The following LCLAT1 variants were observed in gnomAD, a reference collection of about 807,000 sequenced individuals.
LCLAT1 encodes the protein 1-AGP acyltransferase 8.
LCLAT1 carries 11 observed loss-of-function variants against 30.7 expected under a neutral mutation model. That is an observed-to-expected ratio of 0.36 (90% CI 0.23 to 0.59). LCLAT1 has a LOEUF of 0.59. Ranked by LOEUF, LCLAT1 falls within the 20% of genes least tolerant of loss-of-function variation. The pLI is 0.77. For missense variants in LCLAT1, 402 were observed against 458.6 expected (o/e 0.88, Z 1.13); for synonymous variants, 155 against 151.3 (o/e 1.02, Z -0.18).
intron 5 of LCLAT1, among the ~76,000 whole-genome samples, chr2:30,570,263 G>T (rs1665724668): frequency 6.6e-6 from 1 of 152,046 alleles, no homozygotes; most frequent in Non-Finnish European, 1.5e-5. Context: ...TCCTGTATCA[G>T]TAAAAAGAAA....
intron 2 of LCLAT1, among the ~76,000 whole-genome samples, chr2:30,528,222 T>C (rs1171659557): frequency 6.6e-6 from 1 of 152,088 alleles, no homozygotes; most frequent in East Asian, 1.9e-4. Context: ...GGGAAATGTC[T>C]TTTTTTTCTG....
At chr2:30,498,265 C>T (rs1423641314) in intron 1 of LCLAT1, among the ~76,000 whole-genome samples, 2 of 152,118 alleles carry the variant, frequency 1.3e-5, no homozygotes, top group African/African-American at 4.8e-5. Flanking sequence ...GAGAAAGCAC[C>T]ACTTAGAAGT....
chr2:30,536,522 C>A (rs1309489309), intron 3 of LCLAT1, among the ~76,000 whole-genome samples: 2 of 152,184 alleles, frequency 1.3e-5, no homozygotes, highest in Non-Finnish European at 2.9e-5. Flanking sequence ...GCCGAGGATA[C>A]TGTAACTGGC....
At chr2:30,500,949 A>G (rs11888518) in intron 1 of LCLAT1, among the ~76,000 whole-genome samples, 1 of 152,060 alleles carries the variant, frequency 6.6e-6, no homozygotes, top group African/African-American at 2.4e-5. Context: ...TTACCAAATC[A>G]CCGTATCTGG....
chr2:30,529,745 G>A (rs1395003633), intron 2 of LCLAT1, among the ~76,000 whole-genome samples: 2 of 152,194 alleles, frequency 1.3e-5, no homozygotes, highest in African/African-American at 4.8e-5. Flanking sequence ...AACATAGATT[G>A]CTGAATGTGA....
chr2:30,585,192 C>T (rs1268179969), intron 5 of LCLAT1, among the ~76,000 whole-genome samples: 1 of 152,104 alleles, frequency 6.6e-6, no homozygotes. Flanking sequence ...TTGTTTCCCT[C>T]TCAAGCGCTG....
At chr2:30,476,644 T>C in intron 1 of LCLAT1, 1 of 400,728 alleles carries the variant, frequency 2.5e-6, no homozygotes, top group Non-Finnish European at 4.9e-6. Context: ...TGGTGAGTTG[T>C]ATAATTATTT....
intron 5 of LCLAT1, among the ~76,000 whole-genome samples, chr2:30,581,010 C>T (rs1321706465): frequency 6.6e-6 from 1 of 152,080 alleles, no homozygotes; most frequent in Non-Finnish European, 1.5e-5. Context: ...CCTGTGCTCT[C>T]TGTCAGATCA....
intron 1 of LCLAT1, among the ~76,000 whole-genome samples, chr2:30,521,635 T>A (rs1336616271): frequency 2.0e-5 from 3 of 149,792 alleles, no homozygotes; most frequent in Non-Finnish European, 3.0e-5. Flanking sequence ...CCCTCCCTAG[T>A]AACTGGGATT....
Position 30,613,019 on chromosome 2 carries a change from C to T in LCLAT1, c.629-27098C>T, listed in dbSNP as rs11884651. ...GAAGACTGAAGTAGGGTAGTCAGGG[C>T]TCCCCTGAAAAGAGGAATTTGGGGG... is the stretch of plus-strand genomic sequence containing the variant. On this transcript the variant is annotated intron_variant, in intron 5 of 5. Coordinates refer to ENST00000379509, the MANE Select transcript of LCLAT1 (RefSeq NM_001002257.3). Among the ~76,000 whole-genome samples, 1,211 of 152,202 alleles carry T rather than the reference C, an allele frequency of 8.0e-3. 6 individuals carry two copies. Among genetic ancestry groups the T allele is most frequent in the Middle Eastern group, 0.051 (15 of 294 alleles).
chr2:30,604,204 C>T (rs1483303683), intron 5 of LCLAT1, among the ~76,000 whole-genome samples: 1 of 152,172 alleles, frequency 6.6e-6, no homozygotes, highest in Non-Finnish European at 1.5e-5. Context: ...GCCCCCTCTT[C>T]CCATGCTTCA....
intron 3 of LCLAT1, among the ~76,000 whole-genome samples, chr2:30,542,505 C>T (rs536215167): frequency 6.6e-6 from 1 of 152,070 alleles, no homozygotes; most frequent in Admixed American, 6.5e-5. Context: ...ATCAATGTCA[C>T]TCTGTCATGA....
At chr2:30,635,587 C>T (rs1163752036) in intron 5 of LCLAT1, among the ~76,000 whole-genome samples, 1 of 151,972 alleles carries the variant, frequency 6.6e-6, no homozygotes, top group Non-Finnish European at 1.5e-5. Flanking sequence ...TTTAAAAAAA[C>T]TTTTGGAATA....
chr2:30,521,632 TAGTAACTGGGATTAC>T (rs891647374), intron 1 of LCLAT1, among the ~76,000 whole-genome samples: 3 of 149,318 alleles, frequency 2.0e-5, no homozygotes, highest in African/African-American at 7.4e-5. Flanking sequence ...TCACCCTCCC[TAGTAACTGGGATTAC>T]AGGCACGCGC....
intron 5 of LCLAT1, among the ~76,000 whole-genome samples, chr2:30,585,813 C>T (rs922333194): frequency 6.6e-6 from 1 of 152,176 alleles, no homozygotes; most frequent in African/African-American, 2.4e-5. Flanking sequence ...TTGCCTGCTG[C>T]TTGCCTTCTC....
At chr2:30,485,493 G>A (rs1558468691) in intron 1 of LCLAT1, among the ~76,000 whole-genome samples, 2 of 152,010 alleles carry the variant, frequency 1.3e-5, no homozygotes, top group Admixed American at 6.6e-5. Flanking sequence ...TTTTATTAGA[G>A]GTTAGGAATT....
intron 3 of LCLAT1, among the ~76,000 whole-genome samples, chr2:30,546,035 C>G (rs747833955): frequency 6.6e-6 from 1 of 152,154 alleles, no homozygotes; most frequent in African/African-American, 2.4e-5. Flanking sequence ...TAAAGCATTA[C>G]ATTCTGCAAT....
intron 1 of LCLAT1, among the ~76,000 whole-genome samples, chr2:30,504,099 T>TGTGTGTG (rs56740785): frequency 6.6e-6 from 1 of 151,730 alleles, no homozygotes; most frequent in Non-Finnish European, 1.5e-5. Context: ...TGTGTGTGTG[T>TGTGTGTG]TTATATATGT....
chr2:30,516,738 G>A (rs1042068988), intron 1 of LCLAT1, among the ~76,000 whole-genome samples: 1 of 152,156 alleles, frequency 6.6e-6, no homozygotes, highest in Admixed American at 6.5e-5. Flanking sequence ...ATTCTCCAAA[G>A]CCCTGAGTAA....
Sources: gnomAD v4.1 joint callset for allele counts (sites outside exome capture counted in the v4.1 genomes callset) on GRCh38, gnomAD v4.1.1 for gene constraint, MANE v1.5 for transcripts, NCBI Gene and HGNC (gene_info 2026-07-23, HGNC 2026-07-21) for gene names.